Variants in NFRKB observed in about 807,000 individuals in gnomAD.
The protein encoded by NFRKB is nuclear factor related to kappa-B-binding protein.
Under a neutral mutation model 135.7 loss-of-function variants are expected in NFRKB, and 62 were observed. The observed-to-expected ratio is 0.46, with a 90% CI of 0.37 to 0.56. NFRKB has a LOEUF of 0.56. Among genes scored for constraint, NFRKB ranks in the 20% least tolerant of loss-of-function variants. The probability of loss-of-function intolerance (pLI) is 0.00; values close to 1 mark genes in which losing one functional copy is unlikely to be tolerated. For missense variants in NFRKB, 1,545 were observed against 1,662.0 expected, an observed-to-expected ratio of 0.93 and a Z score of 1.22; for synonymous variants, 678 against 635.6, an observed-to-expected ratio of 1.07 and a Z score of -1.00.
intron 17 of NFRKB, 136 bp from the exon 18 acceptor site, chr11:129,875,599 C>T (rs962219507): frequency 1.7e-6 from 1 of 593,930 alleles, no homozygotes; most frequent in African/African-American, 1.9e-5. Flanking sequence ...GGATTAGGTG[C>T]ACTCTGCCCT....
At chr11:129,880,572 T>C (rs1948980815) in intron 13 of NFRKB, among the ~76,000 whole-genome samples, 1 of 152,224 alleles carries the variant, frequency 6.6e-6, no homozygotes, top group Non-Finnish European at 1.5e-5. Flanking sequence ...GCTCAGATGC[T>C]GCTTCCTCAG....
In NFRKB at chr11:129,876,743, G is replaced by A. The variant is rs771177236; in HGVS notation, c.1725C>T (p.Ala575=). 1.9e-6 allele frequency: 3 copies of A among 1,613,722 alleles called. No individual in the cohort carries two copies. The highest frequency in any genetic ancestry group is 3.3e-5 in the Admixed American group (2 of 59,930). Residue 575 remains alanine (A), a synonymous_variant, in exon 17 of 27, where the codon GCC becomes GCT. Transcript: ENST00000682444. ...TACCAAGAGACAGAATGGTGACGTA[G>A]GCAGGCCGGTCGGAGCGCAGCAGGG... ...EHSLLRSDRP[A]YVTILSLVRD...
rs1024985610 is a variant in NFRKB, at chr11:129,878,369, A to G, written c.1465-14T>C. The G allele has an allele frequency of 6.2e-6, 10 of 1,614,180 alleles. No individual in the cohort carries two copies. Among genetic ancestry groups the G allele is most frequent in the Non-Finnish European group, 6.8e-6 (8 of 1,180,008 alleles). ...TTCATTTTCTTGCTGGAGAAAAAGA[A>G]AACGTTGACAGGTAAATGGACTAAA... On this transcript the variant is annotated splice_polypyrimidine_tract_variant and intron_variant, in intron 14 of 26. Coordinates refer to ENST00000682444, the MANE Select transcript of NFRKB (RefSeq NM_001143835.2).
intron 3 of NFRKB, 28 bp downstream of exon 3, chr11:129,892,686 GA>G: frequency 6.2e-7 from 1 of 1,608,324 alleles, no homozygotes; most frequent in Admixed American, 1.7e-5. Flanking sequence ...TGACAGAGAG[GA>G]AAAGGTCACA....
intron 6 of NFRKB, 151 bp downstream of exon 6, chr11:129,885,284 A>G: frequency 2.5e-6 from 2 of 816,038 alleles, no homozygotes; most frequent in Non-Finnish European, 3.8e-6. Flanking sequence ...CCAAAGACCA[A>G]GGCCTTCTGA....
rs187524619 is a variant in NFRKB at position 129,864,857 on chromosome 11, G to A, written c.3775-7C>T. 97 of 1,614,170 alleles carry A rather than the reference G, an allele frequency of 6.0e-5. No individual in the cohort carries two copies. The highest frequency in any genetic ancestry group is 7.8e-5 in the Non-Finnish European group (92 of 1,179,996). On this transcript the variant is annotated splice_polypyrimidine_tract_variant and splice_region_variant and intron_variant, in intron 26 of 26. Coordinates refer to ENST00000682444, the MANE Select transcript of NFRKB (RefSeq NM_001143835.2). ...GGACAGTCTGGATGCGCACCTGTTT[G>A]CAAAGACAGAAGGTCAGGTCAATGG...
rs1948696501 is a variant in NFRKB, at chr11:129,875,060, C to G, written c.1855-144G>C. On this transcript the variant is annotated intron_variant, in intron 18 of 26. Transcript: ENST00000682444. ...GCCTAGCTGCGTATTCCCAATAGTT[C>G]CCCAAATCGTTTGACGAGACAATAA... is the stretch of plus-strand genomic sequence containing the variant. The G allele has an allele frequency of 3.8e-6, 4 of 1,050,230 alleles. No individual in the cohort carries two copies. In the Admixed American group the frequency reaches 6.8e-5, roughly 18 times the overall value. The allele number at this position is 1,050,230 out of a possible 1,614,324, so 65.1% of individuals were successfully genotyped here.
rs548335214 is a variant in NFRKB at position 129,877,008 on chromosome 11, G to A, written c.1573-113C>T. On this transcript the variant is annotated intron_variant, in intron 16 of 26. Transcript: ENST00000682444. The stretch of plus-strand genomic sequence containing the variant: ...GAACAATTAAAACAGGAAGGAACAA[G>A]TGATTCTATGATTCTAGTAGGAATG... 17 of 1,066,546 alleles carry A rather than the reference G, an allele frequency of 1.6e-5. No homozygotes were observed. In the African/African-American group the frequency reaches 2.4e-4, roughly 15 times the overall value. The allele number at this position is 1,066,546 out of a possible 1,614,324, so 66.1% of individuals were successfully genotyped here.
intron 13 of NFRKB, among the ~76,000 whole-genome samples, chr11:129,880,076 A>C (rs974892267): frequency 6.6e-6 from 1 of 152,060 alleles, no homozygotes; most frequent in Non-Finnish European, 1.5e-5. Flanking sequence ...GGTCCCAGCT[A>C]CTCAGGAGTA....
rs1376475247 is a variant in NFRKB, at chr11:129,884,864, TC to T, written c.641-19del. 3.1e-6 allele frequency: 5 copies of T among 1,614,028 alleles called. No individual in the cohort carries two copies. The Admixed American group carries it at 8.3e-5, about 27-fold the overall frequency. On this transcript the variant is annotated intron_variant, in intron 6 of 26. Coordinates refer to ENST00000682444, the MANE Select transcript of NFRKB (RefSeq NM_001143835.2). ...GCTGAGATCTTCAAAAGAAAATTGTTCTTGTAAATCCAACGTGGCTGTGGAC... is the reference window on the plus strand; with the variant it reads ...GCTGAGATCTTCAAAAGAAAATTGTTTTGTAAATCCAACGTGGCTGTGGAC...
At chr11:129,879,511 T>A (rs2135658418) in intron 13 of NFRKB, among the ~76,000 whole-genome samples, 1 of 152,108 alleles carries the variant, frequency 6.6e-6, no homozygotes, top group Admixed American at 6.5e-5. Flanking sequence ...ATTCACAACT[T>A]CCTCCATGTT....
At chr11:129,876,502 T>C (rs1270578239) in intron 17 of NFRKB, among the ~76,000 whole-genome samples, 1 of 152,042 alleles carries the variant, frequency 6.6e-6, no homozygotes, top group East Asian at 1.9e-4. Flanking sequence ...TGGGAGCAAC[T>C]CCTAAATGAA....
chr11:129,883,070 C>T, intron 9 of NFRKB, 52 bp downstream of exon 9: 1 of 1,552,108 alleles, frequency 6.4e-7, no homozygotes, highest in Non-Finnish European at 8.9e-7. Flanking sequence ...TGGGCTCACG[C>T]AACTTAACAC....
Position 129,874,377 on chromosome 11 carries a change from C to A in NFRKB, c.2059-44G>T. The A allele has an allele frequency of 9.9e-6, 15 of 1,519,786 alleles. No individual in the cohort carries two copies. The highest frequency in any genetic ancestry group is 1.2e-5 in the Non-Finnish European group (14 of 1,136,418). 94.1% of individuals were successfully genotyped at this position (1,519,786 alleles called of 1,614,324 possible). ...AAAACTCACCTGGTGTCGTGAAGAT[C>A]CCCCTAAAGGAAGGGACACCCCTAC... On this transcript the variant is annotated intron_variant, in intron 20 of 26. Coordinates refer to ENST00000682444, the MANE Select transcript of NFRKB (RefSeq NM_001143835.2). This position sits in a 1 kb window ranked among gnomAD's most constrained non-coding sequence, Gnocchi z 4.5.
Position 129,874,475 on chromosome 11 carries a change from G to T in NFRKB, c.2058+26C>A, listed in dbSNP as rs1225495021. Reference sequence around the variant, plus strand: ...TTGCCTCCATCCCAGAATCCCTAGGGCAGACACTCTCCTGAAGTCACTTAC... The same window carrying T: ...TTGCCTCCATCCCAGAATCCCTAGGTCAGACACTCTCCTGAAGTCACTTAC... On this transcript the variant is annotated intron_variant, in intron 20 of 26. Transcript: ENST00000682444. This position sits in a 1 kb window ranked among gnomAD's most constrained non-coding sequence, Gnocchi z 4.5. 1 of 1,607,676 alleles carries T rather than the reference G, an allele frequency of 6.2e-7. No individual in the cohort carries two copies. Among genetic ancestry groups the T allele is most frequent in the Non-Finnish European group, 8.5e-7 (1 of 1,177,518 alleles).
At chr11:129,881,943 T>C (rs1387658589) in intron 11 of NFRKB, 90 bp from the exon 12 acceptor site, 8 of 1,519,200 alleles carry the variant, frequency 5.3e-6, no homozygotes, top group South Asian at 1.3e-5. Context: ...AGTATATGCA[T>C]CCGGTGTTTG....
chr11:129,881,380 T>C (rs1949017962), intron 13 of NFRKB, 63 bp downstream of exon 13: 2 of 1,535,284 alleles, frequency 1.3e-6, no homozygotes, highest in African/African-American at 1.4e-5. Flanking sequence ...GGAAGGCAAA[T>C]AAACTTAGGG....
chr11:129,885,983 G>C (rs1949258401), intron 5 of NFRKB, among the ~76,000 whole-genome samples: 1 of 152,152 alleles, frequency 6.6e-6, no homozygotes, highest in African/African-American at 2.4e-5. Flanking sequence ...AGCATTCAGA[G>C]GCCCATGCAC....
At chr11:129,892,651 T>A in intron 3 of NFRKB, 64 bp downstream of exon 3, 1 of 1,555,288 alleles carries the variant, frequency 6.4e-7, no homozygotes, top group Non-Finnish European at 8.8e-7. Context: ...GTGGAAAAGG[T>A]TTCCCACAGC....
Sources: allele counts gnomAD v4.1 joint callset (sites outside exome capture counted in the v4.1 genomes callset), GRCh38; gene constraint gnomAD v4.1.1; non-coding constraint Gnocchi (gnomAD v3.1); transcripts MANE v1.5; gene names NCBI Gene and HGNC (gene_info 2026-07-23, HGNC 2026-07-21).